FAM13C: variants seen among roughly 807,000 people sequenced by gnomAD.
FAM13C encodes the protein protein FAM13C.
A neutral mutation model predicts 73.2 loss-of-function variants in FAM13C; 37 were observed. The ratio of observed to expected loss-of-function variants is 0.51; its 90% CI spans 0.39 to 0.67. The LOEUF (loss-of-function observed/expected upper bound fraction) is 0.67. Among genes scored for constraint, FAM13C ranks in the 30% least tolerant of loss-of-function variants. The pLI, the probability that FAM13C is intolerant of heterozygous loss-of-function variation, is 0.00. For synonymous variants in FAM13C, 246 were observed against 260.9 expected, an observed-to-expected ratio of 0.94 and a Z score of 0.55; for missense variants, 589 against 715.6, an observed-to-expected ratio of 0.82 and a Z score of 2.02.
chr10:59,350,796 T>C (rs1854936202), intron 3 of FAM13C, among the ~76,000 whole-genome samples: 1 of 152,164 alleles, frequency 6.6e-6, no homozygotes, highest in Non-Finnish European at 1.5e-5. Flanking sequence ...AACAGGAAGA[T>C]CTCCTGATGC....
intron 6 of FAM13C, chr10:59,282,651 AT>A: frequency 6.6e-6 from 1 of 152,158 alleles, no homozygotes; most frequent in Non-Finnish European, 1.5e-5. Context: ...CCTCTTTGTT[AT>A]GTTAGAAAAC....
intron 6 of FAM13C, among the ~76,000 whole-genome samples, chr10:59,276,220 A>T (rs1050276868): frequency 6.6e-6 from 1 of 152,204 alleles, no homozygotes; most frequent in African/African-American, 2.4e-5. Context: ...AATCATATGC[A>T]AGATTCTAGA....
At chr10:59,277,246 CA>C (rs2133625570) in intron 6 of FAM13C, among the ~76,000 whole-genome samples, 1 of 152,134 alleles carries the variant, frequency 6.6e-6, no homozygotes, top group East Asian at 1.9e-4. Context: ...ACTGATATGA[CA>C]AAAAAGCCAA....
chr10:59,304,285 A>T (rs895394889), intron 4 of FAM13C, among the ~76,000 whole-genome samples: 4 of 151,866 alleles, frequency 2.6e-5, no homozygotes, highest in African/African-American at 7.3e-5. Flanking sequence ...GTTTGCAAAA[A>T]TTTTTTCCCA....
At chr10:59,336,523 C>G (rs958909922) in intron 3 of FAM13C, among the ~76,000 whole-genome samples, 4 of 152,162 alleles carry the variant, frequency 2.6e-5, no homozygotes, top group Non-Finnish European at 4.4e-5. Context: ...CTTCTTCTCT[C>G]AAGCCAAGAT....
chr10:59,262,037 A>G (rs1398450721), intron 10 of FAM13C, among the ~76,000 whole-genome samples: 1 of 152,182 alleles, frequency 6.6e-6, no homozygotes, highest in Non-Finnish European at 1.5e-5. Flanking sequence ...CTGTTTATAG[A>G]TCATCCCTGC....
rs566636771 is a variant in FAM13C at position 59,247,803 on chromosome 10, A to G, written c.1635-66T>C. 73 of 1,509,636 alleles carry G rather than the reference A, an allele frequency of 4.8e-5. No homozygotes were observed. In the South Asian group the frequency reaches 8.4e-4, roughly 17 times the overall value. 93.5% of individuals were successfully genotyped at this position (1,509,636 alleles called of 1,614,324 possible). A position where few individuals can be genotyped will look rare whatever the true frequency, so the allele number is the denominator to read the frequency against. On this transcript the variant is annotated intron_variant, in intron 13 of 13. Coordinates refer to ENST00000618804, the MANE Select transcript of FAM13C (RefSeq NM_198215.4). Reference sequence around the variant, plus strand: ...AGTCATTATTTAAACATTCTTTTATAATTCATACATGAGAAAGTATACTGT... The same window carrying G: ...AGTCATTATTTAAACATTCTTTTATGATTCATACATGAGAAAGTATACTGT...
chr10:59,258,105 A>G (rs752155997), intron 10 of FAM13C, among the ~76,000 whole-genome samples: 4 of 152,206 alleles, frequency 2.6e-5, no homozygotes, highest in Non-Finnish European at 5.9e-5. Flanking sequence ...ATGTCTTGAT[A>G]TAAAAAGATA....
At chr10:59,256,177 A>G (rs1012849332) in intron 10 of FAM13C, among the ~76,000 whole-genome samples, 1 of 152,190 alleles carries the variant, frequency 6.6e-6, no homozygotes, top group Non-Finnish European at 1.5e-5. Flanking sequence ...AATCTATTCC[A>G]TGGGATTTTA....
intron 3 of FAM13C, among the ~76,000 whole-genome samples, chr10:59,344,253 C>T (rs1347806989): frequency 6.7e-6 from 1 of 149,900 alleles, no homozygotes; most frequent in African/African-American, 2.5e-5. Flanking sequence ...TGAGCCGCCG[C>T]GCCCGGCCTC....
intron 6 of FAM13C, 94 bp from the exon 7 acceptor site, chr10:59,270,203 T>C: frequency 8.1e-7 from 1 of 1,233,318 alleles, no homozygotes; most frequent in South Asian, 1.5e-5. Context: ...TTCATTATAA[T>C]GGCTTGCCTC....
At chr10:59,268,909 G>A (rs1046512162) in intron 7 of FAM13C, among the ~76,000 whole-genome samples, 3 of 152,114 alleles carry the variant, frequency 2.0e-5, no homozygotes, top group South Asian at 2.1e-4. Context: ...AGTGTAAAAT[G>A]TCAAGATATT....
Position 59,254,349 on chromosome 10 carries a change from A to G in FAM13C, c.1331T>C (p.Ile444Thr). 1 of 1,544,142 alleles carries G rather than the reference A, an allele frequency of 6.5e-7. No individual in the cohort carries two copies. The highest frequency in any genetic ancestry group is 8.8e-7 in the Non-Finnish European group (1 of 1,141,188). ...CAGCATGCAAGTATCCTGACTTACA[A>G]TTGTTGGAATAAGGGAAGGTGTTGA... ...ILSTPSLIPT[I>T]QEEEDSDEDR... Residue 444 changes from isoleucine to threonine, a missense_variant and splice_region_variant, in exon 11 of 14, where the codon ATT (isoleucine) becomes ACT (threonine). By Grantham distance (89) the Ile-to-Thr change is moderately conservative. Transcript: ENST00000618804.
At chr10:59,254,836 C>T (rs1841795316) in intron 10 of FAM13C, among the ~76,000 whole-genome samples, 2 of 152,138 alleles carry the variant, frequency 1.3e-5, no homozygotes, top group African/African-American at 2.4e-5. Flanking sequence ...AACTCCTGAC[C>T]TCAAGTGATC....
At chr10:59,295,262 G>T (rs1846764714) in intron 5 of FAM13C, among the ~76,000 whole-genome samples, 1 of 152,214 alleles carries the variant, frequency 6.6e-6, no homozygotes, top group African/African-American at 2.4e-5. Context: ...CAAAGATACA[G>T]ATTACTTGGC....
chr10:59,321,650 C>G (rs999013470), intron 4 of FAM13C, among the ~76,000 whole-genome samples: 2 of 151,960 alleles, frequency 1.3e-5, no homozygotes, highest in African/African-American at 4.8e-5. Context: ...GCTCCTTGTG[C>G]TCAAAAGAGC....
chr10:59,362,527 A>G lies in FAM13C; in HGVS notation c.-67T>C. On this transcript the variant is annotated 5_prime_UTR_variant, in exon 1 of 14. An upstream start codon of the reference 5' UTR is lost. Transcript: ENST00000618804. ...CGGGAGTTAGAGCACATACACAAAC[A>G]TGGCATTGCAAGGCAAGTCTCCGGG... 1 of 1,587,956 alleles carries G rather than the reference A, an allele frequency of 6.3e-7. No individual in the cohort carries two copies. The highest frequency in any genetic ancestry group is 8.6e-7 in the Non-Finnish European group (1 of 1,165,944).
intron 13 of FAM13C, among the ~76,000 whole-genome samples, chr10:59,249,190 G>A (rs1343940106): frequency 6.6e-6 from 1 of 152,092 alleles, no homozygotes; most frequent in African/African-American, 2.4e-5. Flanking sequence ...GGATCACAAG[G>A]TCAGGAGATT....
intron 12 of FAM13C, 99 bp from the exon 13 acceptor site, chr10:59,251,775 GA>G: frequency 1.1e-6 from 1 of 894,204 alleles, no homozygotes; most frequent in Non-Finnish European, 1.7e-6. Flanking sequence ...ATCTATGATT[GA>G]AAAGTGTTCC....
Sources: allele counts gnomAD v4.1 joint callset (sites outside exome capture counted in the v4.1 genomes callset), GRCh38; gene constraint gnomAD v4.1.1; transcripts MANE v1.5; gene names NCBI Gene and HGNC (gene_info 2026-07-23, HGNC 2026-07-21).